Variants in CPNE2 observed in about 807,000 individuals in gnomAD.
CPNE2 encodes copine-2.
Under a neutral mutation model 69.7 loss-of-function variants are expected in CPNE2, and 42 were observed. That is an observed-to-expected ratio of 0.60 (90% confidence interval 0.47 to 0.78). The LOEUF is 0.78. Among genes scored for constraint, CPNE2 ranks in the 30% least tolerant of loss-of-function variants. The pLI, the probability that CPNE2 is intolerant of heterozygous loss-of-function variation, is 0.00. For missense variants in CPNE2, 587 were observed against 732.0 expected, an observed-to-expected ratio of 0.80 and a Z score of 2.29; for synonymous variants, 294 against 289.8, an observed-to-expected ratio of 1.01 and a Z score of -0.15.
chr16:57,097,310 G>C (rs535016053), intron 1 of CPNE2, among the ~76,000 whole-genome samples: 4 of 152,268 alleles, frequency 2.6e-5, no homozygotes, highest in South Asian at 2.1e-4. Flanking sequence ...GCCTGAGTGT[G>C]TCTTGATCAT....
intron 1 of CPNE2, 58 bp from the exon 2 acceptor site, chr16:57,110,649 TG>T: frequency 8.7e-7 from 1 of 1,154,716 alleles, no homozygotes. Flanking sequence ...TGCCTCCCTA[TG>T]GTGGGGCAGC....
chr16:57,128,110 T>G (rs1339925105), intron 12 of CPNE2, among the ~76,000 whole-genome samples: 1 of 152,224 alleles, frequency 6.6e-6, no homozygotes, highest in African/African-American at 2.4e-5. Context: ...TCTCTGTTTA[T>G]GAGACCCATG....
intron 1 of CPNE2, among the ~76,000 whole-genome samples, chr16:57,096,570 A>T (rs1384309490): frequency 6.6e-6 from 1 of 151,948 alleles, no homozygotes; most frequent in Non-Finnish European, 1.5e-5. Flanking sequence ...GTTGTGGTGC[A>T]TGCCTGTAGT....
chr16:57,126,447 G>A (rs759403816), intron 11 of CPNE2, among the ~76,000 whole-genome samples: 1 of 150,902 alleles, frequency 6.6e-6, no homozygotes, highest in Non-Finnish European at 1.5e-5. Context: ...CTGAGGAGCA[G>A]CTAGCATGCA....
chr16:57,096,698 C>CAA lies in CPNE2; in HGVS notation c.-36+3926_-36+3927dup, dbSNP rs34322802. Among the ~76,000 whole-genome samples, 552 of 56,952 alleles carry CAA rather than the reference C, an allele frequency of 9.7e-3. 7 individuals are homozygous for CAA. The highest frequency in any genetic ancestry group is 0.017 in the Non-Finnish European group (435 of 25,330). The allele number at this position is 56,952 out of a possible 152,430, so 37.4% of individuals were successfully genotyped here. A position where few individuals can be genotyped will look rare whatever the true frequency, so the allele number is the denominator to read the frequency against. ...TCGGTGAAACAGTGAGACCATGTCT[C>CAA]AAAAAAAAAAAAAAAAAAAGACTTG... On this transcript the variant is annotated intron_variant, in intron 1 of 15. Coordinates refer to ENST00000290776, the MANE Select transcript of CPNE2 (RefSeq NM_152727.6).
At position 57,146,375 on chromosome 16, in the gene CPNE2, G is replaced by T; in HGVS notation, c.1539+54G>T. 2.1e-6 allele frequency: 3 copies of T among 1,413,848 alleles called. No individual in the cohort carries two copies. The highest frequency in any genetic ancestry group is 1.4e-5 in the African/African-American group (1 of 70,636). The allele number at this position is 1,413,848 out of a possible 1,614,324, so 87.6% of individuals were successfully genotyped here. ...CGGTTACAGGATCCCAGCCACCATA[G>T]CTCATAATCAAGCTTGAGAGTCTTG... On this transcript the variant is annotated intron_variant, in intron 15 of 15. Coordinates refer to ENST00000290776, the MANE Select transcript of CPNE2 (RefSeq NM_152727.6). This position sits in a 1 kb window ranked among gnomAD's most constrained non-coding sequence, Gnocchi z 4.4.
At chr16:57,113,011 C>T (rs1000630052) in intron 2 of CPNE2, 11 of 315,466 alleles carry the variant, frequency 3.5e-5, no homozygotes, top group Non-Finnish European at 1.8e-5. Context: ...GGTAGGGAGC[C>T]AGGGCCAAAG....
At chr16:57,104,997 G>A (rs2069639325) in intron 1 of CPNE2, among the ~76,000 whole-genome samples, 1 of 152,200 alleles carries the variant, frequency 6.6e-6, no homozygotes, top group African/African-American at 2.4e-5. Context: ...TTTGGGGTTT[G>A]TGTGACCTGG....
rs1367210985 is a variant in CPNE2 at position 57,136,939 on chromosome 16, C to T, written c.1169-210C>T. Among the ~76,000 whole-genome samples, 47 of 152,248 alleles carry T rather than the reference C, an allele frequency of 3.1e-4. 1 individual carries two copies. The highest frequency in any genetic ancestry group is 3.1e-3 in the Admixed American group (47 of 15,286). ...AAGAAAAGGCAGGATTCAAACTCTA[C>T]AGGCCTGTCTGACTTCACATTCAGG... On this transcript the variant is annotated intron_variant, in intron 13 of 15. Coordinates refer to ENST00000290776, the MANE Select transcript of CPNE2 (RefSeq NM_152727.6).
intron 12 of CPNE2, 25 bp downstream of exon 12, chr16:57,127,928 C>A (rs772037958): frequency 6.2e-7 from 1 of 1,613,218 alleles, no homozygotes; most frequent in Non-Finnish European, 8.5e-7. Flanking sequence ...AGTTAGTTTC[C>A]TTTTGGTTGA....
At chr16:57,122,131 G>T (rs1399976302) in intron 9 of CPNE2, among the ~76,000 whole-genome samples, 1 of 152,246 alleles carries the variant, frequency 6.6e-6, no homozygotes, top group Admixed American at 6.5e-5. Context: ...GTCCTCTCTG[G>T]CATCAGCGTC....
intron 14 of CPNE2, chr16:57,144,011 C>T (rs2145286599): frequency 6.6e-6 from 1 of 152,452 alleles, no homozygotes; most frequent in Middle Eastern, 3.4e-3. Flanking sequence ...GCTTAGGTGT[C>T]CCAGAAATGT....
At position 57,147,789 on chromosome 16, in the gene CPNE2, C is replaced by A; in HGVS notation, c.*131C>A. On this transcript the variant is annotated 3_prime_UTR_variant, in exon 16 of 16. Coordinates refer to ENST00000290776, the MANE Select transcript of CPNE2 (RefSeq NM_152727.6). ...TTTTTTATTTTTTACAACCGGACCTCCACCCCCAACTTCCTCCAGCCCAGC... is the reference window on the plus strand; with the variant it reads ...TTTTTTATTTTTTACAACCGGACCTACACCCCCAACTTCCTCCAGCCCAGC... 1 of 522,704 alleles carries A rather than the reference C, an allele frequency of 1.9e-6. No homozygotes were observed. Among genetic ancestry groups the A allele is most frequent in the South Asian group, 4.4e-5 (1 of 22,612 alleles). The allele number at this position is 522,704 out of a possible 1,614,324, so 32.4% of individuals were successfully genotyped here. A position where few individuals can be genotyped will look rare whatever the true frequency, so the allele number is the denominator to read the frequency against.
intron 7 of CPNE2, 103 bp from the exon 8 acceptor site, chr16:57,120,990 A>C (rs970802307): frequency 7.7e-6 from 6 of 775,450 alleles, no homozygotes; most frequent in Non-Finnish European, 1.3e-5. Context: ...GAGGAGAGGC[A>C]CTACCCAAAC....
rs147901520 is a variant in CPNE2 at position 57,132,464 on chromosome 16, G to T, written c.1117-2311G>T. 1.6e-3 allele frequency among the ~76,000 whole-genome samples: 237 copies of T among 152,276 alleles called. 2 individuals carry two copies. Among genetic ancestry groups the T allele is most frequent in the African/African-American group, 5.1e-3 (213 of 41,528 alleles). ...CTGAGATCCCTTGGGCTTTCTCCAT[G>T]CCCCACCCGCTGCCTCTACCACCTG... On this transcript the variant is annotated intron_variant, in intron 12 of 15. Transcript: ENST00000290776.
intron 1 of CPNE2, among the ~76,000 whole-genome samples, chr16:57,098,389 G>A (rs2069591825): frequency 6.6e-6 from 1 of 152,240 alleles, no homozygotes; most frequent in Non-Finnish European, 1.5e-5. Flanking sequence ...CTGGTCAGGA[G>A]TGCCAGCCTG....
Position 57,137,142 on chromosome 16 carries a change from G to A in CPNE2, c.1169-7G>A, listed in dbSNP as rs752266192. ...CCTGGCTGATCCAGACTCTTCTCCC[G>A]AGGCAGGTGTGGATGGTATTGCCCA... On this transcript the variant is annotated splice_region_variant and splice_polypyrimidine_tract_variant and intron_variant, in intron 13 of 15. Coordinates refer to ENST00000290776, the MANE Select transcript of CPNE2 (RefSeq NM_152727.6). 6.3e-5 allele frequency: 102 copies of A among 1,613,322 alleles called. No individual in the cohort carries two copies. Among genetic ancestry groups the A allele is most frequent in the Middle Eastern group, 3.3e-4 (2 of 6,080 alleles).
intron 1 of CPNE2, among the ~76,000 whole-genome samples, chr16:57,098,443 A>G (rs1379479860): frequency 1.3e-5 from 2 of 152,194 alleles, no homozygotes; most frequent in African/African-American, 4.8e-5. Flanking sequence ...TGGTGCAGCA[A>G]TGGGCATGCG....
chr16:57,124,107 C>A (rs186735022), intron 10 of CPNE2: 13 of 157,830 alleles, frequency 8.2e-5, no homozygotes, highest in Admixed American at 8.2e-4. Context: ...TTTGAGACAG[C>A]GTCTCATTCT....
Sources: gnomAD v4.1 joint callset for allele counts (sites outside exome capture counted in the v4.1 genomes callset) on GRCh38, gnomAD v4.1.1 for gene constraint, Gnocchi (gnomAD v3.1) non-coding constraint, MANE v1.5 for transcripts, NCBI Gene and HGNC (gene_info 2026-07-23, HGNC 2026-07-21) for gene names.